The following EFR3A variants were observed in gnomAD, a reference collection of about 807,000 sequenced individuals.
The protein encoded by EFR3A is EFR3 homolog A.
EFR3A carries 76 observed loss-of-function variants against 104.4 expected under a neutral mutation model. The observed-to-expected ratio is 0.73, with a 90% CI of 0.60 to 0.88. The LOEUF is 0.88. Ranked by LOEUF, EFR3A falls within the 40% of genes least tolerant of loss-of-function variation. EFR3A has a pLI of 0.00. For missense variants in EFR3A, 985 were observed against 1,012.5 expected (o/e 0.97, Z 0.37); for synonymous variants, 330 against 330.0 (o/e 1.00, Z 0.00).
At chr8:131,914,754 C>G (rs771406647) in intron 1 of EFR3A, among the ~76,000 whole-genome samples, 6 of 151,980 alleles carry the variant, frequency 3.9e-5, no homozygotes, top group Non-Finnish European at 8.8e-5. Flanking sequence ...ATTATTGCAC[C>G]CAGGTACTAA....
intron 8 of EFR3A, among the ~76,000 whole-genome samples, chr8:131,965,047 C>A (rs1171055273): frequency 6.6e-6 from 1 of 152,074 alleles, no homozygotes; most frequent in Non-Finnish European, 1.5e-5. Context: ...CTTCCTTACA[C>A]CTTATACAAA....
At chr8:131,987,498 T>A (rs2130765473) in intron 17 of EFR3A, 77 bp from the exon 18 acceptor site, 1 of 1,431,756 alleles carries the variant, frequency 7.0e-7, no homozygotes, top group African/African-American at 1.4e-5. Flanking sequence ...GCTTTTGCTC[T>A]GGAATGTTTT....
At position 131,959,578 on chromosome 8, in the gene EFR3A, T is replaced by C. The variant is rs1819199503; in HGVS notation, c.777-7T>C. On this transcript the variant is annotated splice_region_variant and splice_polypyrimidine_tract_variant and intron_variant, in intron 7 of 22. Transcript: ENST00000254624. ...GAGAATTTTAAAGTAATTTTTGTTA[T>C]TTGCAGGCATTTAGATCATCACAAA... 6.2e-7 allele frequency: 1 copy of C among 1,607,622 alleles called. No individual in the cohort carries two copies. Among genetic ancestry groups the C allele is most frequent in the Non-Finnish European group, 8.5e-7 (1 of 1,177,806 alleles).
chr8:131,930,671 G>A (rs2130497428), intron 1 of EFR3A, among the ~76,000 whole-genome samples: 1 of 152,124 alleles, frequency 6.6e-6, no homozygotes, highest in Admixed American at 6.6e-5. Flanking sequence ...ACTCCCTAAT[G>A]AGGTCTGGTG....
At chr8:131,984,848 G>A (rs1820796634) in intron 15 of EFR3A, 81 bp from the exon 16 acceptor site, 3 of 1,273,662 alleles carry the variant, frequency 2.4e-6, no homozygotes, top group African/African-American at 1.5e-5. Flanking sequence ...CAAACTACCT[G>A]CAGTTTTCCA....
chr8:131,978,531 C>T (rs1296892740), intron 12 of EFR3A, among the ~76,000 whole-genome samples: 1 of 152,148 alleles, frequency 6.6e-6, no homozygotes, highest in East Asian at 1.9e-4. Flanking sequence ...GCCTCAGTTT[C>T]TCCTTATGAA....
At chr8:131,942,639 G>C (rs1244071295) in intron 2 of EFR3A, among the ~76,000 whole-genome samples, 2 of 152,074 alleles carry the variant, frequency 1.3e-5, no homozygotes, top group Non-Finnish European at 2.9e-5. Flanking sequence ...CTCATTATTT[G>C]TTTAATGAAT....
At chr8:131,924,553 C>T (rs1341315235) in intron 1 of EFR3A, among the ~76,000 whole-genome samples, 1 of 152,048 alleles carries the variant, frequency 6.6e-6, no homozygotes, top group Non-Finnish European at 1.5e-5. Flanking sequence ...TCTCTAAGGC[C>T]CCAGAGCTAA....
At chr8:131,974,929 AG>A (rs1166478404) in intron 10 of EFR3A, among the ~76,000 whole-genome samples, 1 of 152,236 alleles carries the variant, frequency 6.6e-6, no homozygotes, top group Non-Finnish European at 1.5e-5. Flanking sequence ...CTAAAAATGC[AG>A]AAAGTTTCTG....
intron 8 of EFR3A, among the ~76,000 whole-genome samples, chr8:131,966,932 G>A (rs1320880347): frequency 6.6e-6 from 1 of 151,980 alleles, no homozygotes; most frequent in African/African-American, 2.4e-5. Context: ...TTCTTGAGTT[G>A]TTCTTTATAA....
intron 4 of EFR3A, among the ~76,000 whole-genome samples, chr8:131,948,194 C>T (rs897910479): frequency 2.0e-5 from 3 of 152,028 alleles, no homozygotes; most frequent in African/African-American, 4.8e-5. Context: ...AGGAAGTATA[C>T]GAGGTGCTGA....
chr8:131,919,573 G>C (rs934101934), intron 1 of EFR3A, among the ~76,000 whole-genome samples: 1 of 146,112 alleles, frequency 6.8e-6, no homozygotes, highest in Non-Finnish European at 1.5e-5. Context: ...TCCAGCCTGG[G>C]CGACAGAGCA....
chr8:131,982,122 A>G (rs1820647206), intron 14 of EFR3A, among the ~76,000 whole-genome samples: 1 of 152,110 alleles, frequency 6.6e-6, no homozygotes, highest in Non-Finnish European at 1.5e-5. Flanking sequence ...CCTCTCCCCT[A>G]CAGGTAATCA....
chr8:131,955,691 A>G (rs1818940048), intron 6 of EFR3A, 77 bp from the exon 7 acceptor site: 4 of 1,473,712 alleles, frequency 2.7e-6, no homozygotes, highest in Non-Finnish European at 3.7e-6. Context: ...AACATTTCTA[A>G]AAAGTAAAGT....
At chr8:131,909,041 T>C (rs766734316) in intron 1 of EFR3A, among the ~76,000 whole-genome samples, 12 of 152,216 alleles carry the variant, frequency 7.9e-5, no homozygotes, top group Non-Finnish European at 1.5e-4. Context: ...TACATTGTTA[T>C]TAACTATAGT....
At chr8:131,930,747 A>T (rs1235910555) in intron 1 of EFR3A, among the ~76,000 whole-genome samples, 1 of 152,094 alleles carries the variant, frequency 6.6e-6, no homozygotes, top group Non-Finnish European at 1.5e-5. Context: ...CCCTGTTGCC[A>T]GTGATAGGTC....
intron 8 of EFR3A, 135 bp from the exon 9 acceptor site, chr8:131,968,160 G>C: frequency 1.5e-6 from 1 of 687,346 alleles, no homozygotes; most frequent in South Asian, 2.6e-5. Context: ...TTGTATTGTG[G>C]CTATTTATTG....
chr8:131,991,527 C>G (rs542618318), intron 18 of EFR3A, among the ~76,000 whole-genome samples: 36 of 152,108 alleles, frequency 2.4e-4, no homozygotes, highest in Non-Finnish European at 3.8e-4. Flanking sequence ...GTGGAACATG[C>G]AAGTAAAGTA....
chr8:131,993,453 A>T lies in EFR3A; in HGVS notation c.2066-2953A>T, dbSNP rs553019586. Among the ~76,000 whole-genome samples, 274 of 152,268 alleles carry T rather than the reference A, an allele frequency of 1.8e-3. 2 individuals carry two copies. Among genetic ancestry groups the T allele is most frequent in the African/African-American group, 6.4e-3 (266 of 41,542 alleles). On this transcript the variant is annotated intron_variant, in intron 18 of 22. Transcript: ENST00000254624. ...AAGGGGCAAACTGTAATATTGACTA[A>T]CAGCATTAGTTACAACCATGGAAGG...
Sources: allele counts gnomAD v4.1 joint callset (sites outside exome capture counted in the v4.1 genomes callset), GRCh38; gene constraint gnomAD v4.1.1; transcripts MANE v1.5; gene names NCBI Gene and HGNC (gene_info 2026-07-23, HGNC 2026-07-21).